The following CLIC5 variants were observed in gnomAD, a reference collection of about 807,000 sequenced individuals.
The protein encoded by CLIC5 is chloride intracellular channel protein 5.
A neutral mutation model predicts 24.7 loss-of-function variants in CLIC5; 20 were observed. The ratio of observed to expected loss-of-function variants is 0.81; its 90% confidence interval spans 0.57 to 1.18. The LOEUF (loss-of-function observed/expected upper bound fraction) is 1.18, where lower values mean the gene tolerates loss of function less well. Ranked by LOEUF, CLIC5 falls within the 50% of genes most tolerant of loss-of-function variation. CLIC5 has a pLI of 0.00. For missense variants in CLIC5, 341 were observed against 326.1 expected (o/e 1.05, Z -0.35); for synonymous variants, 159 against 135.6 (o/e 1.17, Z -1.20).
chr6:45,882,141 A>T (rs1762268973), intron 6 of CLIC5, among the ~76,000 whole-genome samples: 1 of 152,180 alleles, frequency 6.6e-6, no homozygotes, highest in African/African-American at 2.4e-5. Flanking sequence ...GTTCCTGGAG[A>T]AAATGCTTTT....
At chr6:46,070,160 C>T (rs1399481877) in intron 1 of CLIC5, among the ~76,000 whole-genome samples, 1 of 152,112 alleles carries the variant, frequency 6.6e-6, no homozygotes, top group East Asian at 1.9e-4. Context: ...TGAAAACCAG[C>T]ACAAGACAAG....
intron 1 of CLIC5, among the ~76,000 whole-genome samples, chr6:46,039,247 G>A (rs1767741883): frequency 6.6e-6 from 1 of 151,964 alleles, no homozygotes; most frequent in Non-Finnish European, 1.5e-5. Flanking sequence ...TTTTTCTAAA[G>A]GGATTGGTAT....
chr6:46,023,616 A>G (rs1334280059), intron 1 of CLIC5, among the ~76,000 whole-genome samples: 1 of 152,218 alleles, frequency 6.6e-6, no homozygotes, highest in Non-Finnish European at 1.5e-5. Flanking sequence ...AAGGAAACAT[A>G]GGGTCCAAGA....
At chr6:45,917,370 G>C (rs1032772015) in intron 4 of CLIC5, among the ~76,000 whole-genome samples, 1 of 152,158 alleles carries the variant, frequency 6.6e-6, no homozygotes, top group Non-Finnish European at 1.5e-5. Flanking sequence ...CCAAACGTGG[G>C]GTCCTCCTGT....
chr6:46,020,633 C>T (rs1327380609), upstream of CLIC5, among the ~76,000 whole-genome samples: 1 of 151,692 alleles, frequency 6.6e-6, no homozygotes, highest in Admixed American at 6.6e-5. Flanking sequence ...ATCAATAATA[C>T]TAGAGGCTGG....
intron 1 of CLIC5, among the ~76,000 whole-genome samples, chr6:46,054,996 T>C (rs1768206025): frequency 6.6e-6 from 1 of 152,250 alleles, no homozygotes; most frequent in African/African-American, 2.4e-5. Context: ...GGGCCAAACC[T>C]TTCAAAGAGA....
At chr6:45,918,964 A>G (rs1763141932) in intron 4 of CLIC5, 2 of 985,330 alleles carry the variant, frequency 2.0e-6, no homozygotes, top group Admixed American at 1.2e-4. Context: ...GCAAGCACAC[A>G]CATAGCTGGT....
intron 1 of CLIC5, among the ~76,000 whole-genome samples, chr6:46,052,149 T>C (rs1768121926): frequency 6.6e-6 from 1 of 152,146 alleles, no homozygotes; most frequent in African/African-American, 2.4e-5. Flanking sequence ...GAAGAAATTC[T>C]TGTGGTCAAA....
At chr6:46,090,377 C>A in the CLIC5 span, among the ~76,000 whole-genome samples, 48 of 150,002 alleles carry the variant, frequency 3.2e-4, no homozygotes, top group South Asian at 9.3e-3. Context: ...TAGGTCAGAG[C>A]TAGTTCATAG....
chr6:45,897,336 G>T (rs1762407315), downstream of CLIC5, among the ~76,000 whole-genome samples: 2 of 152,204 alleles, frequency 1.3e-5, no homozygotes, highest in African/African-American at 2.4e-5. Context: ...ACCACAGCCA[G>T]CAGGATGGCC....
chr6:46,049,044 G>T (rs1768034079), intron 1 of CLIC5, among the ~76,000 whole-genome samples: 1 of 152,188 alleles, frequency 6.6e-6, no homozygotes, highest in South Asian at 2.1e-4. Flanking sequence ...CCTCCTGTTT[G>T]AATATCCCCT....
chr6:45,886,395 T>A (rs1762306099), intron 6 of CLIC5, among the ~76,000 whole-genome samples: 3 of 152,180 alleles, frequency 2.0e-5, no homozygotes, highest in African/African-American at 7.2e-5. Flanking sequence ...GCAGGTCTCA[T>A]CCGCCTAAGT....
At chr6:45,994,263 G>A (rs905524965) in intron 1 of CLIC5, among the ~76,000 whole-genome samples, 4 of 152,138 alleles carry the variant, frequency 2.6e-5, no homozygotes, top group African/African-American at 9.7e-5. Context: ...ATGATAGACT[G>A]GATAAAGAAA....
chr6:46,084,621 TAG>T (rs1165565779), upstream of CLIC5, among the ~76,000 whole-genome samples: 1 of 152,248 alleles, frequency 6.6e-6, no homozygotes, highest in African/African-American at 2.4e-5. Flanking sequence ...TTCTGGCTTG[TAG>T]AGTTTCTGCC....
At chr6:45,987,202 C>T (rs1036438134) in intron 1 of CLIC5, among the ~76,000 whole-genome samples, 10 of 152,188 alleles carry the variant, frequency 6.6e-5, no homozygotes, top group African/African-American at 2.4e-4. Flanking sequence ...ATTAACATCA[C>T]TTCTCACTCT....
At chr6:45,941,426 C>G in intron 4 of CLIC5, 121 bp downstream of exon 4, 1 of 772,856 alleles carries the variant, frequency 1.3e-6, no homozygotes, top group Non-Finnish European at 2.3e-6. Context: ...AAATAATAAG[C>G]AGTATTGGTT....
intron 6 of CLIC5, chr6:45,883,603 G>C (rs1162655012): frequency 6.6e-6 from 1 of 152,224 alleles, no homozygotes; most frequent in African/African-American, 2.4e-5. Flanking sequence ...CTGGTTGCTG[G>C]GCCCTCAGAA....
chr6:46,046,592 T>G (rs1767959673), intron 1 of CLIC5, among the ~76,000 whole-genome samples: 1 of 152,214 alleles, frequency 6.6e-6, no homozygotes, highest in South Asian at 2.1e-4. Flanking sequence ...GAAACTTGCT[T>G]TTTACTTTCA....
the CLIC5 span, among the ~76,000 whole-genome samples, chr6:46,100,444 TG>T: frequency 6.6e-6 from 1 of 152,152 alleles, no homozygotes; most frequent in South Asian, 2.1e-4. Context: ...TGCACCTTGG[TG>T]GGGTCAGTGG....
Sources: allele counts gnomAD v4.1 joint callset (sites outside exome capture counted in the v4.1 genomes callset), GRCh38; gene constraint gnomAD v4.1.1; transcripts MANE v1.5; gene names NCBI Gene and HGNC (gene_info 2026-07-23, HGNC 2026-07-21).